The following PAPPA2 variants were observed in gnomAD, a reference collection of about 807,000 sequenced individuals.
PAPPA2 encodes pappalysin 2.
PAPPA2 carries 86 observed loss-of-function variants against 176.4 expected under a neutral mutation model. That is an observed-to-expected ratio of 0.49 (90% CI 0.41 to 0.58). PAPPA2 has a LOEUF of 0.58. Ranked by LOEUF, PAPPA2 falls within the 20% of genes least tolerant of loss-of-function variation. The pLI, the probability that PAPPA2 is intolerant of heterozygous loss-of-function variation, is 0.00. For missense variants in PAPPA2, 2,073 were observed against 2,256.9 expected (o/e 0.92, Z 1.65); for synonymous variants, 809 against 852.2 (o/e 0.95, Z 0.88).
intron 1 of PAPPA2, among the ~76,000 whole-genome samples, chr1:176,531,761 A>C (rs1244293335): frequency 2.6e-5 from 4 of 152,202 alleles, no homozygotes; most frequent in Non-Finnish European, 4.4e-5. Context: ...TCTCTTCCCA[A>C]CTGAAGTGGG....
intron 21 of PAPPA2, among the ~76,000 whole-genome samples, chr1:176,831,004 A>G (rs1667060940): frequency 6.6e-6 from 1 of 152,232 alleles, no homozygotes; most frequent in South Asian, 2.1e-4. Context: ...AATGAATTGT[A>G]CAGGATCAGC....
At chr1:176,705,749 C>A (rs766914986) in intron 9 of PAPPA2, among the ~76,000 whole-genome samples, 2 of 152,100 alleles carry the variant, frequency 1.3e-5, no homozygotes, top group Non-Finnish European at 2.9e-5. Flanking sequence ...TTCTTCCCTG[C>A]AATATATGTT....
intron 12 of PAPPA2, among the ~76,000 whole-genome samples, chr1:176,714,419 A>G (rs1230679060): frequency 2.0e-5 from 3 of 152,116 alleles, no homozygotes; most frequent in African/African-American, 7.2e-5. Context: ...AAAAAAAAAA[A>G]AGGATACCTT....
intron 1 of PAPPA2, among the ~76,000 whole-genome samples, chr1:176,468,137 T>C (rs1314990699): frequency 1.3e-5 from 2 of 152,218 alleles, no homozygotes; most frequent in African/African-American, 4.8e-5. Context: ...AATTCACATT[T>C]GGACTATGTG....
intron 14 of PAPPA2, among the ~76,000 whole-genome samples, chr1:176,745,916 G>A (rs1662886524): frequency 1.3e-5 from 2 of 152,198 alleles, no homozygotes; most frequent in Admixed American, 6.5e-5. Flanking sequence ...CTGTCACTGT[G>A]GTGCTGCTGG....
chr1:176,662,345 T>C (rs1423977333), intron 3 of PAPPA2, among the ~76,000 whole-genome samples: 4 of 152,198 alleles, frequency 2.6e-5, no homozygotes, highest in Non-Finnish European at 5.9e-5. Context: ...TTGTGGTCAC[T>C]ATTATTAGTA....
At chr1:176,802,885 T>C (rs1445555250) in intron 21 of PAPPA2, among the ~76,000 whole-genome samples, 2 of 152,228 alleles carry the variant, frequency 1.3e-5, no homozygotes, top group Non-Finnish European at 2.9e-5. Context: ...GAGGTGCCAC[T>C]AAGACTTTCT....
chr1:176,552,925 G>A (rs1190081754), intron 1 of PAPPA2, among the ~76,000 whole-genome samples: 3 of 152,174 alleles, frequency 2.0e-5, no homozygotes, highest in Non-Finnish European at 4.4e-5. Context: ...GGCAGAGTTT[G>A]GGGAAGAGGG....
chr1:176,658,529 C>G (rs1658148647), intron 3 of PAPPA2, among the ~76,000 whole-genome samples: 1 of 151,844 alleles, frequency 6.6e-6, no homozygotes, highest in Non-Finnish European at 1.5e-5. Context: ...CATAGGGATT[C>G]AGATATAGGG....
intron 4 of PAPPA2, among the ~76,000 whole-genome samples, chr1:176,680,783 C>A (rs758417367): frequency 1.1e-4 from 16 of 152,036 alleles, no homozygotes; most frequent in Non-Finnish European, 2.1e-4. Flanking sequence ...AAATGTGGCT[C>A]CCCCAACCCC....
In PAPPA2 at chr1:176,789,811, A is replaced by C; in HGVS notation, c.4718A>C (p.Lys1573Thr). Residue 1573 changes from lysine (K) to threonine (T), a missense_variant and splice_region_variant, in exon 18 of 23, where the codon AAG becomes ACG. By Grantham distance (78) the Lys-to-Thr change is moderately conservative. Coordinates refer to ENST00000367662, the MANE Select transcript of PAPPA2 (RefSeq NM_020318.3). ...ATTTTTGTTTTATGTTTTATCAGCAAGCTCCTGAAGATACAATGCCTGGAA... is the reference window on the plus strand; with the variant it reads ...ATTTTTGTTTTATGTTTTATCAGCACGCTCCTGAAGATACAATGCCTGGAA... ...AESAEGKVRN[K>T]LLKIQCLEGG... The C allele has an allele frequency of 6.2e-7, 1 of 1,613,136 alleles. No homozygotes were observed. Among genetic ancestry groups the C allele is most frequent in the Non-Finnish European group, 8.5e-7 (1 of 1,179,580 alleles).
chr1:176,724,140 T>G (rs1016488145), intron 12 of PAPPA2, among the ~76,000 whole-genome samples: 2 of 152,204 alleles, frequency 1.3e-5, no homozygotes, highest in African/African-American at 4.8e-5. Flanking sequence ...AATTAAGCAC[T>G]GGTGACAGAC....
chr1:176,720,971 T>C (rs193186126), intron 12 of PAPPA2, among the ~76,000 whole-genome samples: 1 of 152,292 alleles, frequency 6.6e-6, no homozygotes, highest in East Asian at 1.9e-4. Context: ...CTCCCCTTCT[T>C]TCACCTGTTT....
At chr1:176,829,963 A>C (rs1667020779) in intron 21 of PAPPA2, among the ~76,000 whole-genome samples, 1 of 152,228 alleles carries the variant, frequency 6.6e-6, no homozygotes, top group Admixed American at 6.5e-5. Context: ...TGTCTGGAAG[A>C]GTCTACTGTG....
rs1333140231 is a variant in PAPPA2, at chr1:176,634,841, G to GATAC, written c.1992-36126_1992-36125insCATA. ...AGATAGATAGATAGATAGATAGATA[G>GATAC]ATAGATACATAGATACATAGATACA... On this transcript the variant is annotated intron_variant, in intron 3 of 22. Transcript: ENST00000367662. Among the ~76,000 whole-genome samples, 373 of 115,970 alleles carry GATAC rather than the reference G, an allele frequency of 3.2e-3. 1 individual carries two copies. Among genetic ancestry groups the GATAC allele is most frequent in the African/African-American group, 0.011 (329 of 30,286 alleles). 76.1% of individuals were successfully genotyped at this position (115,970 alleles called of 152,430 possible).
At chr1:176,511,367 G>T (rs74327841) in intron 1 of PAPPA2, among the ~76,000 whole-genome samples, 12,817 of 152,174 alleles carry the variant, frequency 0.084, 675 homozygotes, top group Middle Eastern at 0.16. Context: ...AGTCCAGTTT[G>T]GTGTACTTCT....
intron 21 of PAPPA2, among the ~76,000 whole-genome samples, chr1:176,831,521 G>T (rs1382014784): frequency 1.3e-5 from 2 of 152,122 alleles, no homozygotes; most frequent in Non-Finnish European, 1.5e-5. Flanking sequence ...CACCCTTTGG[G>T]ACTATAACTC....
At chr1:176,728,922 C>T (rs1662003811) in intron 12 of PAPPA2, among the ~76,000 whole-genome samples, 1 of 151,826 alleles carries the variant, frequency 6.6e-6, no homozygotes, top group African/African-American at 2.4e-5. Flanking sequence ...CGATATTACC[C>T]AATTATCTCT....
At chr1:176,597,523 G>A (rs1453698229) in intron 3 of PAPPA2, among the ~76,000 whole-genome samples, 1 of 151,978 alleles carries the variant, frequency 6.6e-6, no homozygotes, top group East Asian at 1.9e-4. Flanking sequence ...ATCACATACC[G>A]GGGTCTGTCA....
Sources: gnomAD v4.1 joint callset for allele counts (sites outside exome capture counted in the v4.1 genomes callset) on GRCh38, gnomAD v4.1.1 for gene constraint, MANE v1.5 for transcripts, NCBI Gene and HGNC (gene_info 2026-07-23, HGNC 2026-07-21) for gene names.